The following TMPRSS15 variants were observed in gnomAD, a reference collection of about 807,000 sequenced individuals.
The protein encoded by TMPRSS15 is enteropeptidase.
In TMPRSS15, 128 loss-of-function variants were observed where a neutral mutation model predicts 125.3. The observed-to-expected ratio is 1.02, with a 90% CI of 0.89 to 1.18. The LOEUF (loss-of-function observed/expected upper bound fraction) is 1.18, where lower values mean the gene tolerates loss of function less well. Ranked by LOEUF, TMPRSS15 falls within the 50% of genes most tolerant of loss-of-function variation. The probability of loss-of-function intolerance (pLI) is 0.00; values close to 1 mark genes in which losing one functional copy is unlikely to be tolerated. For synonymous variants in TMPRSS15, 446 were observed against 423.2 expected (o/e 1.05, Z -0.66); for missense variants, 1,283 against 1,212.7 (o/e 1.06, Z -0.86).
At chr21:18,407,917 A>G (rs187307882), upstream of TMPRSS15, among the ~76,000 whole-genome samples, 303 of 152,298 alleles carry the variant, frequency 2.0e-3, no homozygotes, top group African/African-American at 7.0e-3. Flanking sequence ...AGAAAATTTC[A>G]GTGAGTAAAT....
chr21:18,348,199 C>T (rs1276140498), intron 10 of TMPRSS15, among the ~76,000 whole-genome samples: 2 of 151,524 alleles, frequency 1.3e-5, no homozygotes, highest in East Asian at 3.9e-4. Context: ...AATAAATAAG[C>T]CCCAGAAAAT....
At chr21:18,401,211 C>A (rs911334284) in intron 1 of TMPRSS15, among the ~76,000 whole-genome samples, 1 of 152,146 alleles carries the variant, frequency 6.6e-6, no homozygotes, top group Non-Finnish European at 1.5e-5. Context: ...CCATTTGACC[C>A]AGCAATCCCA....
At chr21:18,337,031 T>C (rs2075399087) in intron 13 of TMPRSS15, among the ~76,000 whole-genome samples, 1 of 152,178 alleles carries the variant, frequency 6.6e-6, no homozygotes, top group Non-Finnish European at 1.5e-5. Context: ...TTAGGTCACA[T>C]CTACAAAACT....
intron 24 of TMPRSS15, among the ~76,000 whole-genome samples, 196 bp downstream of exon 24, chr21:18,275,001 T>TTTC (rs1222638095): frequency 6.6e-6 from 1 of 152,198 alleles, no homozygotes; most frequent in Non-Finnish European, 1.5e-5. Flanking sequence ...TGTAACCTAT[T>TTTC]TTCTTAAAAA....
At chr21:18,356,269 C>T (rs935672074) in intron 8 of TMPRSS15, among the ~76,000 whole-genome samples, 1 of 151,758 alleles carries the variant, frequency 6.6e-6, no homozygotes, top group Non-Finnish European at 1.5e-5. Context: ...CAACTTTCTA[C>T]AGAATAGGAT....
In TMPRSS15 at chr21:18,365,645, TCCTCCCTTCCTTCC is replaced by T. The variant is rs1313589623; in HGVS notation, c.665-411_665-398del. Reference sequence around the variant, plus strand: ...CTTTCTTTCTCTTTCTCTCTCTTTTTCCTCCCTTCCTTCCTTCCTTCCTTCCTTCCTTCCTTCCT... The same window carrying T: ...CTTTCTTTCTCTTTCTCTCTCTTTTTTTCCTTCCTTCCTTCCTTCCTTCCT... On this transcript the variant is annotated intron_variant, in intron 6 of 24. Coordinates refer to ENST00000284885, the MANE Select transcript of TMPRSS15 (RefSeq NM_002772.3). Among the ~76,000 whole-genome samples the T allele has an allele frequency of 1.4e-3, 142 of 102,902 alleles. 3 individuals are homozygous for T. Among genetic ancestry groups the T allele is most frequent in the East Asian group, 9.6e-3 (37 of 3,868 alleles). 67.5% of individuals were successfully genotyped at this position (102,902 alleles called of 152,430 possible).
chr21:18,396,500 C>T (rs1205477547), intron 3 of TMPRSS15, among the ~76,000 whole-genome samples: 3 of 152,078 alleles, frequency 2.0e-5, no homozygotes, highest in Non-Finnish European at 2.9e-5. Context: ...TACAGCTGGG[C>T]GCTGTGGCTC....
At chr21:18,464,257 T>C (rs1978611548) in intron 1 of TMPRSS15, among the ~76,000 whole-genome samples, 1 of 148,416 alleles carries the variant, frequency 6.7e-6, no homozygotes, top group South Asian at 2.2e-4. Context: ...GACACAGCTA[T>C]ACCAGTGTTT....
At chr21:18,468,554 G>C (rs1568735767) in intron 1 of TMPRSS15, among the ~76,000 whole-genome samples, 1 of 151,874 alleles carries the variant, frequency 6.6e-6, no homozygotes, top group Non-Finnish European at 1.5e-5. Flanking sequence ...TCAACAAAAA[G>C]TTTTGCCTTT....
intron 6 of TMPRSS15, among the ~76,000 whole-genome samples, chr21:18,366,768 T>C (rs2075741817): frequency 6.6e-6 from 1 of 152,126 alleles, no homozygotes; most frequent in South Asian, 2.1e-4. Flanking sequence ...GAAACATTAA[T>C]GGAGGTTAGA....
intron 5 of TMPRSS15, 147 bp from the exon 6 acceptor site, chr21:18,372,471 C>A: frequency 1.3e-6 from 1 of 792,690 alleles, no homozygotes; most frequent in Non-Finnish European, 2.0e-6. Flanking sequence ...GCAAATCAAT[C>A]ATTTGTAAAA....
At chr21:18,446,874 T>C (rs1035853774) in intron 1 of TMPRSS15, among the ~76,000 whole-genome samples, 1 of 142,752 alleles carries the variant, frequency 7.0e-6, no homozygotes, top group African/African-American at 2.6e-5. Flanking sequence ...GTTTAGGCAA[T>C]GTTTGTTTGT....
chr21:18,338,002 A>G (rs1401905052), intron 13 of TMPRSS15, among the ~76,000 whole-genome samples: 2 of 152,198 alleles, frequency 1.3e-5, no homozygotes, highest in African/African-American at 4.8e-5. Flanking sequence ...TTCAAATCAG[A>G]TGGGTTATTC....
At chr21:18,428,850 C>G (rs759417253) in intron 1 of TMPRSS15, among the ~76,000 whole-genome samples, 5 of 152,190 alleles carry the variant, frequency 3.3e-5, no homozygotes, top group Non-Finnish European at 7.3e-5. Flanking sequence ...ACTGGGGCAC[C>G]ACCTAGTGGA....
At chr21:18,375,379 T>C (rs1407668257) in intron 5 of TMPRSS15, among the ~76,000 whole-genome samples, 3 of 152,212 alleles carry the variant, frequency 2.0e-5, no homozygotes, top group Non-Finnish European at 2.9e-5. Context: ...CAAACTAGAA[T>C]TATTGACTTC....
intron 8 of TMPRSS15, among the ~76,000 whole-genome samples, chr21:18,357,183 A>T (rs2075633285): frequency 6.6e-6 from 1 of 151,902 alleles, no homozygotes. Flanking sequence ...ATGAAGTATT[A>T]ATAATTATTA....
At chr21:18,421,714 T>C (rs899878671) in intron 1 of TMPRSS15, among the ~76,000 whole-genome samples, 3 of 152,202 alleles carry the variant, frequency 2.0e-5, no homozygotes, top group Non-Finnish European at 4.4e-5. Context: ...AATCTATTTA[T>C]GGAATGGTTT....
chr21:18,478,211 G>A (rs1978915723), intron 1 of TMPRSS15, among the ~76,000 whole-genome samples: 1 of 151,946 alleles, frequency 6.6e-6, no homozygotes, highest in Non-Finnish European at 1.5e-5. Context: ...TTATTTTTAA[G>A]TCATGTTTCC....
chr21:18,412,963 A>G (rs1475902116), intron 1 of TMPRSS15, among the ~76,000 whole-genome samples: 2 of 152,198 alleles, frequency 1.3e-5, no homozygotes, highest in Non-Finnish European at 2.9e-5. Context: ...TAAATTTTAA[A>G]TAAATATAAT....
Sources: gnomAD v4.1 joint callset for allele counts (sites outside exome capture counted in the v4.1 genomes callset) on GRCh38, gnomAD v4.1.1 for gene constraint, MANE v1.5 for transcripts, NCBI Gene and HGNC (gene_info 2026-07-23, HGNC 2026-07-21) for gene names.